REEP3: variants seen among roughly 807,000 people sequenced by gnomAD.
The protein encoded by REEP3 is receptor expression-enhancing protein 3.
REEP3 carries 20 observed loss-of-function variants against 41.3 expected under a neutral mutation model. The ratio of observed to expected loss-of-function variants is 0.48; its 90% confidence interval spans 0.34 to 0.70. The LOEUF is 0.70. Ranked by LOEUF, REEP3 falls within the 30% of genes least tolerant of loss-of-function variation. The pLI, the probability that REEP3 is intolerant of heterozygous loss-of-function variation, is 0.01. For synonymous variants in REEP3, 104 were observed against 101.8 expected, an observed-to-expected ratio of 1.02 and a Z score of -0.13; for missense variants, 271 against 308.8, an observed-to-expected ratio of 0.88 and a Z score of 0.92.
At chr10:63,548,773 A>G (rs1057261679) in intron 1 of REEP3, among the ~76,000 whole-genome samples, 1 of 152,210 alleles carries the variant, frequency 6.6e-6, no homozygotes, top group African/African-American at 2.4e-5. Context: ...CGCTTTCTCA[A>G]TGCACCAGTC....
In REEP3 at chr10:63,594,841, C is replaced by G; in HGVS notation, c.169C>G (p.Gln57Glu). Residue 57 changes from glutamine to glutamate, a missense_variant, in exon 3 of 8, where the codon CAA becomes GAA. By Grantham distance (29) the Gln-to-Glu change is conservative. Coordinates refer to ENST00000373758, the MANE Select transcript of REEP3 (RefSeq NM_001001330.3). The stretch of plus-strand genomic sequence containing the variant: ...TACTGTGATTGAAACAGTAGCCGAT[C>G]AAACAGTTGCTTGGTAAGTTTTACT... ...LYTVIETVAD[Q>E]TVAWFPLYYE... 4 of 1,609,410 alleles carry G rather than the reference C, an allele frequency of 2.5e-6. No homozygotes were observed. The highest frequency in any genetic ancestry group is 3.4e-6 in the Non-Finnish European group (4 of 1,175,844).
chr10:63,620,161 G>A (rs563425396), intron 7 of REEP3, among the ~76,000 whole-genome samples: 3 of 152,138 alleles, frequency 2.0e-5, no homozygotes, highest in Admixed American at 2.0e-4. Context: ...TTGAACACCT[G>A]GCCTCAAGCA....
intron 1 of REEP3, among the ~76,000 whole-genome samples, chr10:63,539,256 A>G (rs1167787777): frequency 1.3e-5 from 2 of 152,064 alleles, no homozygotes; most frequent in East Asian, 3.9e-4. Flanking sequence ...TAGGTTTATT[A>G]GGGTCTTATG....
chr10:63,527,367 A>G (rs1342550745), intron 1 of REEP3, among the ~76,000 whole-genome samples: 1 of 152,108 alleles, frequency 6.6e-6, no homozygotes, highest in Non-Finnish European at 1.5e-5. Context: ...TTTAGAGCAA[A>G]AATTCCTCAG....
intron 2 of REEP3, among the ~76,000 whole-genome samples, chr10:63,584,219 A>G (rs1383303476): frequency 6.6e-6 from 1 of 152,134 alleles, no homozygotes; most frequent in South Asian, 2.1e-4. Flanking sequence ...TCTGTGAGGT[A>G]TTTGGCAGTG....
Position 63,624,237 on chromosome 10 carries a change from TG to T in REEP3, c.*3370del, listed in dbSNP as rs1464403389. ...AATTTTGAGAAGATCATTGTTATTG[TG>T]GTTTGCAGTATATATTTCTTAGTAA... On this transcript the variant is annotated 3_prime_UTR_variant, in exon 8 of 8. Coordinates refer to ENST00000373758, the MANE Select transcript of REEP3 (RefSeq NM_001001330.3). The T allele has an allele frequency of 6.6e-6, 1 of 152,154 alleles. No individual in the cohort carries two copies. Among genetic ancestry groups the T allele is most frequent in the African/African-American group, 2.4e-5 (1 of 41,462 alleles). The allele number at this position is 152,154 out of a possible 1,614,324, so 9.4% of individuals were successfully genotyped here.
intron 1 of REEP3, among the ~76,000 whole-genome samples, chr10:63,552,139 T>G (rs909440517): frequency 6.6e-6 from 1 of 152,172 alleles, no homozygotes; most frequent in Non-Finnish European, 1.5e-5. Flanking sequence ...GCACAGTGGC[T>G]CACGCCTGTA....
intron 1 of REEP3, among the ~76,000 whole-genome samples, chr10:63,557,419 C>T (rs1288991751): frequency 6.6e-6 from 1 of 152,116 alleles, no homozygotes; most frequent in Non-Finnish European, 1.5e-5. Flanking sequence ...ACTTATCTTA[C>T]TGTTTGGATA....
chr10:63,610,412 GGGGT>G (rs1438188579), intron 6 of REEP3, 78 bp downstream of exon 6: 1 of 1,383,244 alleles, frequency 7.2e-7, no homozygotes, highest in Non-Finnish European at 9.9e-7. Context: ...GGCCTGTCGG[GGGGT>G]GGGGCACAAG....
intron 1 of REEP3, among the ~76,000 whole-genome samples, chr10:63,522,246 C>T (rs1439025077): frequency 6.6e-6 from 1 of 151,454 alleles, no homozygotes; most frequent in Non-Finnish European, 1.5e-5. Flanking sequence ...TCGCCCAGAT[C>T]CCCGAATTCG....
At position 63,620,954 on chromosome 10, in the gene REEP3, A is replaced by C; in HGVS notation, c.*85A>C. The C allele has an allele frequency of 1.3e-6, 1 of 772,570 alleles. No individual in the cohort carries two copies. The highest frequency in any genetic ancestry group is 2.1e-6 in the Non-Finnish European group (1 of 481,452). 47.9% of individuals were successfully genotyped at this position (772,570 alleles called of 1,614,324 possible). On this transcript the variant is annotated 3_prime_UTR_variant, in exon 8 of 8. Transcript: ENST00000373758. ...AACATGATATATTCAGGATTTACAC[A>C]TTAAAATGATTATTTAAATTGTGGC...
rs74670225 is a variant in REEP3, at chr10:63,618,845, G to A, written c.566-810G>A. ...GAACCTCAGCTTCAGGGTTGGAAGAGTTTTCGTCCTTGAGGCCAAGCCTCA... is the reference window on the plus strand; with the variant it reads ...GAACCTCAGCTTCAGGGTTGGAAGAATTTTCGTCCTTGAGGCCAAGCCTCA... On this transcript the variant is annotated intron_variant, in intron 6 of 7. Transcript: ENST00000373758. Among the ~76,000 whole-genome samples, 880 of 152,356 alleles carry A rather than the reference G, an allele frequency of 5.8e-3. 7 individuals carry two copies. The highest frequency in any genetic ancestry group is 0.02 in the African/African-American group (830 of 41,592).
At position 63,584,430 on chromosome 10, in the gene REEP3, T is replaced by TTAA. The variant is rs1554806774; in HGVS notation, c.106-10348_106-10347insTAA. Among the ~76,000 whole-genome samples, 270 of 129,214 alleles carry TTAA rather than the reference T, an allele frequency of 2.1e-3. 2 individuals carry two copies. The highest frequency in any genetic ancestry group is 3.8e-3 in the Middle Eastern group (1 of 264). 84.8% of individuals were successfully genotyped at this position (129,214 alleles called of 152,430 possible). On this transcript the variant is annotated intron_variant, in intron 2 of 7. Coordinates refer to ENST00000373758, the MANE Select transcript of REEP3 (RefSeq NM_001001330.3). ...ACCCCCAACACATGCCCCATCTTTT[T>TTAA]AAAAAAAAAAAAAAAAAAAACTATT...
intron 1 of REEP3, 24 bp downstream of exon 1, chr10:63,521,601 G>T: frequency 7.2e-7 from 1 of 1,396,892 alleles, no homozygotes. Context: ...ACTGCGCCCT[G>T]CAGCCGGCGC....
At chr10:63,609,710 A>AGGGAACTGCAAGGGATCCTTGCAAGG (rs1178152726) in intron 5 of REEP3, among the ~76,000 whole-genome samples, 1 of 152,170 alleles carries the variant, frequency 6.6e-6, no homozygotes, top group African/African-American at 2.4e-5. Flanking sequence ...GCAGTAGCCA[A>AGGGAACTGCAAGGGATCCTTGCAAGG]GATCACGCCA....
chr10:63,599,765 A>G (rs1178693065), intron 5 of REEP3: 1 of 787,550 alleles, frequency 1.3e-6, no homozygotes, highest in South Asian at 5.8e-5. Context: ...AAAACTTGGT[A>G]CTTAGCCAGT....
intron 2 of REEP3, among the ~76,000 whole-genome samples, chr10:63,576,549 A>G (rs1291882558): frequency 6.6e-6 from 1 of 152,220 alleles, no homozygotes; most frequent in Non-Finnish European, 1.5e-5. Flanking sequence ...CACCAGTCAC[A>G]TAACTTCATT....
At chr10:63,601,061 G>C (rs1178821388) in intron 5 of REEP3, among the ~76,000 whole-genome samples, 1 of 151,982 alleles carries the variant, frequency 6.6e-6, no homozygotes, top group African/African-American at 2.4e-5. Context: ...GGCTGAGGCA[G>C]GAGAATTGCT....
intron 1 of REEP3, among the ~76,000 whole-genome samples, chr10:63,537,807 A>G (rs910268011): frequency 2.6e-5 from 4 of 152,198 alleles, no homozygotes; most frequent in Admixed American, 6.6e-5. Flanking sequence ...CAGAACCTCT[A>G]TGAAATCGCC....
Sources: allele counts gnomAD v4.1 joint callset (sites outside exome capture counted in the v4.1 genomes callset), GRCh38; gene constraint gnomAD v4.1.1; transcripts MANE v1.5; gene names NCBI Gene and HGNC (gene_info 2026-07-23, HGNC 2026-07-21).